SLC9C2: variants seen among roughly 807,000 people sequenced by gnomAD.
The protein encoded by SLC9C2 is solute carrier family 9 member C2 (putative).
In SLC9C2, 75 loss-of-function variants were observed where a neutral mutation model predicts 140.2. The ratio of observed to expected loss-of-function variants is 0.53; its 90% CI spans 0.44 to 0.65. The LOEUF (loss-of-function observed/expected upper bound fraction) is 0.65, where lower values mean the gene tolerates loss of function less well. SLC9C2 is among the 30% of genes least tolerant of loss of function. The pLI, the probability that SLC9C2 is intolerant of heterozygous loss-of-function variation, is 0.00. For synonymous variants in SLC9C2, 375 were observed against 420.9 expected (o/e 0.89, Z 1.34); for missense variants, 1,074 against 1,331.8 (o/e 0.81, Z 3.01).
At chr1:173,590,980 T>G (rs890912895) in intron 4 of SLC9C2, among the ~76,000 whole-genome samples, 2 of 152,196 alleles carry the variant, frequency 1.3e-5, no homozygotes, top group Non-Finnish European at 2.9e-5. Context: ...GGGTTTGTTG[T>G]GCAGATTTTT....
At chr1:173,573,157 A>C (rs1403923635) in intron 9 of SLC9C2, 25 bp downstream of exon 9, 1 of 1,479,136 alleles carries the variant, frequency 6.8e-7, no homozygotes, top group South Asian at 1.3e-5. Context: ...AGTTTAGTAA[A>C]CAAACTTTAA....
intron 13 of SLC9C2, among the ~76,000 whole-genome samples, chr1:173,545,048 T>G (rs1276346172): frequency 6.6e-6 from 1 of 152,154 alleles, no homozygotes; most frequent in Non-Finnish European, 1.5e-5. Flanking sequence ...CAGTAAAATA[T>G]GGCCTCTGCT....
At chr1:173,545,095 G>A (rs1259335508) in intron 13 of SLC9C2, among the ~76,000 whole-genome samples, 1 of 152,120 alleles carries the variant, frequency 6.6e-6, no homozygotes, top group African/African-American at 2.4e-5. Context: ...AAGGCCCTTT[G>A]TTAAGACCAC....
chr1:173,546,654 T>G (rs927269189), intron 13 of SLC9C2, among the ~76,000 whole-genome samples: 1 of 152,074 alleles, frequency 6.6e-6, no homozygotes, highest in Non-Finnish European at 1.5e-5. Context: ...AAGAAGAAAT[T>G]TATATGTTAA....
At chr1:173,582,544 C>T (rs1665609656) in intron 6 of SLC9C2, among the ~76,000 whole-genome samples, 4 of 152,246 alleles carry the variant, frequency 2.6e-5, no homozygotes, top group East Asian at 1.9e-4. Flanking sequence ...TTGTCCCACC[C>T]CAATGCCCGG....
chr1:173,582,060 G>A (rs922372697), intron 6 of SLC9C2, 52 bp from the exon 7 acceptor site: 8 of 1,374,954 alleles, frequency 5.8e-6, no homozygotes, highest in East Asian at 2.6e-5. Context: ...TATAACTTTT[G>A]TCTCTTTCAC....
At chr1:173,590,791 T>C (rs114321067) in intron 4 of SLC9C2, among the ~76,000 whole-genome samples, 1,769 of 152,322 alleles carry the variant, frequency 0.012, 45 homozygotes, top group African/African-American at 0.041. Context: ...ATTCACTTCC[T>C]GGGCAAGACA....
chr1:173,548,612 C>T (rs1163086828), intron 11 of SLC9C2, 60 bp from the exon 12 acceptor site: 50 of 1,573,144 alleles, frequency 3.2e-5, no homozygotes, highest in Non-Finnish European at 4.1e-5. Flanking sequence ...CAAGGGAAAG[C>T]AAAAAATGTT....
At chr1:173,521,883 T>C (rs895899837) in intron 21 of SLC9C2, among the ~76,000 whole-genome samples, 5 of 54,002 alleles carry the variant, frequency 9.3e-5, no homozygotes, top group African/African-American at 4.0e-4. Flanking sequence ...CAGGGCGCTA[T>C]GCAAAAAAAA....
intron 16 of SLC9C2, 94 bp from the exon 17 acceptor site, chr1:173,533,891 A>G (rs1334402572): frequency 7.5e-7 from 1 of 1,326,846 alleles, no homozygotes; most frequent in Non-Finnish European, 1.0e-6. Context: ...TTAACTACAA[A>G]TGAGTTATAT....
At chr1:173,564,851 A>C (rs143254561) in intron 9 of SLC9C2, among the ~76,000 whole-genome samples, 3,911 of 150,798 alleles carry the variant, frequency 0.026, 187 homozygotes, top group African/African-American at 0.091. Flanking sequence ...GTTAGCCAGG[A>C]TGGTCTCGAT....
chr1:173,550,457 T>TTTTTTG (rs1361235994), intron 11 of SLC9C2, among the ~76,000 whole-genome samples: 1 of 150,684 alleles, frequency 6.6e-6, no homozygotes, highest in African/African-American at 2.4e-5. Flanking sequence ...TATTTATTTT[T>TTTTTTG]GAGGAGGAGT....
intron 18 of SLC9C2, among the ~76,000 whole-genome samples, chr1:173,528,582 G>C (rs1258070101): frequency 6.6e-6 from 1 of 152,148 alleles, no homozygotes; most frequent in Non-Finnish European, 1.5e-5. Context: ...AATAAAGGTA[G>C]ATATCTTCAC....
At chr1:173,547,249 T>G (rs1164546333) in intron 13 of SLC9C2, among the ~76,000 whole-genome samples, 1 of 152,014 alleles carries the variant, frequency 6.6e-6, no homozygotes, top group Non-Finnish European at 1.5e-5. Flanking sequence ...TAAATATTAG[T>G]ATTACAACAT....
In SLC9C2 at chr1:173,524,926, T is replaced by G; in HGVS notation, c.2367A>C (p.Val789=). Residue 789 remains valine, a splice_region_variant and synonymous_variant, in exon 20 of 28, where the codon GTA becomes GTC. Transcript: ENST00000367714. ...TNKQDAVKEL[V]LMEHEGRDVV... is the part of the protein sequence containing the mutation. ...CATCACGACCCTCATGCTCCATGAGTACTACAGCAAAGAAAATAAAATTCA... is the reference window on the plus strand; with the variant it reads ...CATCACGACCCTCATGCTCCATGAGGACTACAGCAAAGAAAATAAAATTCA... The G allele has an allele frequency of 6.2e-7, 1 of 1,613,530 alleles. No homozygotes were observed. The highest frequency in any genetic ancestry group is 1.1e-5 in the South Asian group (1 of 90,990).
intron 11 of SLC9C2, among the ~76,000 whole-genome samples, chr1:173,550,448 A>ATTTTTTTTT (rs533259810): frequency 7.0e-6 from 1 of 143,844 alleles, no homozygotes; most frequent in African/African-American, 2.7e-5. Flanking sequence ...TTATTTATTT[A>ATTTTTTTTT]TTTATTTTTG....
In SLC9C2 at chr1:173,526,547, C is replaced by T; in HGVS notation, c.2365+116G>A. ...GCCCATTAGCTGTGTTTAATAAATG[C>T]TTGTTGAATGCATAAATGAATGAGC... On this transcript the variant is annotated intron_variant, in intron 19 of 27. Coordinates refer to ENST00000367714, the MANE Select transcript of SLC9C2 (RefSeq NM_178527.4). 4.3e-6 allele frequency: 4 copies of T among 935,976 alleles called. 1 individual carries two copies. The South Asian group carries it at 6.0e-5, about 14-fold the overall frequency. 58.0% of individuals were successfully genotyped at this position (935,976 alleles called of 1,614,324 possible).
chr1:173,510,717 T>C (rs1462455569), intron 23 of SLC9C2, among the ~76,000 whole-genome samples: 1 of 152,254 alleles, frequency 6.6e-6, no homozygotes, highest in Non-Finnish European at 1.5e-5. Flanking sequence ...TACCACATTT[T>C]CTTTATCCAG....
chr1:173,530,636 T>A (rs531615968), intron 17 of SLC9C2, among the ~76,000 whole-genome samples: 1 of 152,348 alleles, frequency 6.6e-6, no homozygotes, highest in Non-Finnish European at 1.5e-5. Flanking sequence ...ACCAGCTCTG[T>A]GACCTTGAGC....
Sources: allele counts gnomAD v4.1 joint callset (sites outside exome capture counted in the v4.1 genomes callset), GRCh38; gene constraint gnomAD v4.1.1; transcripts MANE v1.5; gene names NCBI Gene and HGNC (gene_info 2026-07-23, HGNC 2026-07-21).